STXBP5L: variants seen among roughly 807,000 people sequenced by gnomAD.
The protein encoded by STXBP5L is syntaxin-binding protein 5-like.
In STXBP5L, 65 loss-of-function variants were observed where a neutral mutation model predicts 144.5. The ratio of observed to expected loss-of-function variants is 0.45; its 90% CI spans 0.37 to 0.55. The LOEUF (loss-of-function observed/expected upper bound fraction) is 0.55. Ranked by LOEUF, STXBP5L falls within the 20% of genes least tolerant of loss-of-function variation. STXBP5L has a pLI of 0.00. For missense variants in STXBP5L, 1,298 were observed against 1,405.5 expected (o/e 0.92, Z 1.22); for synonymous variants, 505 against 469.6 (o/e 1.08, Z -0.97).
At chr3:121,304,841 G>A (rs2108499839) in intron 19 of STXBP5L, among the ~76,000 whole-genome samples, 1 of 151,696 alleles carries the variant, frequency 6.6e-6, no homozygotes, top group Non-Finnish European at 1.5e-5. Flanking sequence ...CAATGTAAAG[G>A]AAATAATAAT....
intron 3 of STXBP5L, among the ~76,000 whole-genome samples, chr3:121,011,051 G>A (rs115204322): frequency 4.5e-3 from 678 of 150,250 alleles, no homozygotes; most frequent in Middle Eastern, 6.8e-3. Context: ...TGTCTTTCTT[G>A]TATTATGTTT....
At chr3:121,360,009 T>C (rs548649597) in intron 20 of STXBP5L, among the ~76,000 whole-genome samples, 15 of 144,990 alleles carry the variant, frequency 1.0e-4, no homozygotes, top group Middle Eastern at 3.7e-3. Context: ...TATTACTATA[T>C]AATATAATAT....
chr3:121,407,352 T>C lies in STXBP5L; in HGVS notation c.2697T>C (p.Asp899=). The C allele has an allele frequency of 6.2e-7, 1 of 1,612,880 alleles. No homozygotes were observed. Among genetic ancestry groups the C allele is most frequent in the South Asian group, 1.1e-5 (1 of 91,048 alleles). Residue 899 remains aspartate (D), a synonymous_variant, in exon 23 of 27, where the codon GAT becomes GAC. Coordinates refer to ENST00000471454, the MANE Select transcript of STXBP5L (RefSeq NM_001308330.2). ...YEVWRDPNNI[D]ENEKSWRRKV... ...TTTGGAGGGATCCAAACAACATAGA[T>C]GAAAATGAAAAATCTTGGAGAAGGA...
At chr3:121,128,712 G>A (rs2044831651) in intron 7 of STXBP5L, among the ~76,000 whole-genome samples, 1 of 152,048 alleles carries the variant, frequency 6.6e-6, no homozygotes, top group Admixed American at 6.6e-5. Context: ...GATGTTTATA[G>A]GAGCAAAATA....
At chr3:121,379,863 C>T (rs185293934) in intron 21 of STXBP5L, among the ~76,000 whole-genome samples, 31 of 152,204 alleles carry the variant, frequency 2.0e-4, no homozygotes, top group Admixed American at 4.6e-4. Context: ...GAGTTAGGAT[C>T]TCATTCTGTT....
intron 5 of STXBP5L, among the ~76,000 whole-genome samples, chr3:121,089,307 T>C (rs923532104): frequency 1.3e-5 from 2 of 151,798 alleles, no homozygotes; most frequent in Non-Finnish European, 2.9e-5. Flanking sequence ...AAATTTTTAG[T>C]TTTCCTTTAC....
chr3:120,979,236 C>G (rs970154125), intron 3 of STXBP5L, among the ~76,000 whole-genome samples: 4 of 152,208 alleles, frequency 2.6e-5, no homozygotes, highest in Admixed American at 6.5e-5. Flanking sequence ...TTTACCTAAG[C>G]AAGCCTGGGC....
At chr3:120,973,394 C>G (rs1447163772) in intron 3 of STXBP5L, among the ~76,000 whole-genome samples, 2 of 151,062 alleles carry the variant, frequency 1.3e-5, no homozygotes, top group East Asian at 1.9e-4. Flanking sequence ...TTTTTTTTTG[C>G]ATTTCTATAA....
At chr3:121,415,165 T>C (rs920499498) in intron 24 of STXBP5L, among the ~76,000 whole-genome samples, 2 of 152,188 alleles carry the variant, frequency 1.3e-5, no homozygotes, top group Admixed American at 1.3e-4. Context: ...TCCACACTGA[T>C]GGTTCTTCAA....
intron 22 of STXBP5L, among the ~76,000 whole-genome samples, chr3:121,390,864 G>A (rs184501228): frequency 1.2e-3 from 177 of 151,934 alleles, no homozygotes; most frequent in Middle Eastern, 3.4e-3. Context: ...TATGTGTCTC[G>A]GGGTTGCTCT....
At chr3:121,192,952 A>C (rs2047759704) in intron 9 of STXBP5L, among the ~76,000 whole-genome samples, 1 of 151,648 alleles carries the variant, frequency 6.6e-6, no homozygotes, top group Non-Finnish European at 1.5e-5. Context: ...CAATGGCAAC[A>C]AAAGCCAAAA....
chr3:120,909,847 G>C, intron 2 of STXBP5L, 80 bp downstream of exon 2: 1 of 1,398,370 alleles, frequency 7.2e-7, no homozygotes, highest in Non-Finnish European at 9.6e-7. Context: ...AACATACCAG[G>C]AACAGGAAAC....
intron 3 of STXBP5L, among the ~76,000 whole-genome samples, chr3:121,015,973 T>C (rs1242335462): frequency 6.6e-6 from 1 of 152,152 alleles, no homozygotes; most frequent in East Asian, 1.9e-4. Context: ...CTAACCAGTC[T>C]TCATATAATA....
At chr3:121,226,446 C>A (rs558128042) in intron 11 of STXBP5L, among the ~76,000 whole-genome samples, 2 of 152,164 alleles carry the variant, frequency 1.3e-5, no homozygotes, top group Non-Finnish European at 1.5e-5. Flanking sequence ...TTCATTGTGG[C>A]TTTTACAAAA....
intron 7 of STXBP5L, among the ~76,000 whole-genome samples, chr3:121,139,377 AAAG>A (rs989680475): frequency 1.2e-4 from 19 of 152,124 alleles, no homozygotes; most frequent in Non-Finnish European, 2.1e-4. Flanking sequence ...TGTCAACTAA[AAAG>A]AAAAAGAATG....
chr3:120,988,711 T>C (rs1942541391), intron 3 of STXBP5L, among the ~76,000 whole-genome samples: 3 of 152,106 alleles, frequency 2.0e-5, no homozygotes, highest in African/African-American at 7.2e-5. Context: ...TGCAGTTTTG[T>C]TACATGAGCA....
chr3:120,917,093 G>A (rs190839105), intron 2 of STXBP5L, among the ~76,000 whole-genome samples: 1 of 152,268 alleles, frequency 6.6e-6, no homozygotes, highest in East Asian at 1.9e-4. Flanking sequence ...GTAGAGGCAG[G>A]TAATCTGAAG....
intron 18 of STXBP5L, among the ~76,000 whole-genome samples, chr3:121,272,772 A>AT (rs1289259070): frequency 6.6e-6 from 1 of 151,956 alleles, no homozygotes; most frequent in Non-Finnish European, 1.5e-5. Context: ...TATCTCATAT[A>AT]TACCTACTAT....
intron 22 of STXBP5L, among the ~76,000 whole-genome samples, chr3:121,385,888 C>T (rs2046416846): frequency 6.6e-6 from 1 of 152,044 alleles, no homozygotes; most frequent in South Asian, 2.1e-4. Flanking sequence ...GGTTAATGTG[C>T]TTTCTTATGG....
Sources: allele counts gnomAD v4.1 joint callset (sites outside exome capture counted in the v4.1 genomes callset), GRCh38; gene constraint gnomAD v4.1.1; transcripts MANE v1.5; gene names NCBI Gene and HGNC (gene_info 2026-07-23, HGNC 2026-07-21).